The following DSCC1 variants were observed in gnomAD, a reference collection of about 807,000 sequenced individuals.
DSCC1 encodes sister chromatid cohesion protein DCC1.
A neutral mutation model predicts 48.2 loss-of-function variants in DSCC1; 32 were observed. That is an observed-to-expected ratio of 0.66 (90% CI 0.50 to 0.89). DSCC1 has a LOEUF of 0.89. DSCC1 is among the 40% of genes least tolerant of loss of function. DSCC1 has a pLI of 0.00. For missense variants in DSCC1, 421 were observed against 471.7 expected (o/e 0.89, Z 1.00); for synonymous variants, 150 against 171.5 (o/e 0.87, Z 0.98).
Position 119,843,181 on chromosome 8 carries a change from G to A in DSCC1, c.717-353C>T, listed in dbSNP as rs370233104. ...TCAGCTCACTGCAACCTCCACTTCC[G>A]GAGTTCAAGCAATTCTCCTGCCTCG... is the stretch of plus-strand genomic sequence containing the variant. On this transcript the variant is annotated intron_variant, in intron 5 of 8. Coordinates refer to ENST00000313655, the MANE Select transcript of DSCC1 (RefSeq NM_024094.3). 1.5e-4 allele frequency among the ~76,000 whole-genome samples: 22 copies of A among 149,884 alleles called. No homozygotes were observed. In the South Asian group the frequency reaches 3.8e-3, roughly 26 times the overall value.
At position 119,855,842 on chromosome 8, in the gene DSCC1, C is replaced by T. The variant is rs764080460; in HGVS notation, c.-47G>A. On this transcript the variant is annotated 5_prime_UTR_variant, in exon 1 of 9. Transcript: ENST00000313655. Reference sequence around the variant, plus strand: ...CCCGCCGCGCCCGGGTGGCTGCGGGCTTGGCGGGCAAGAAAGAAGTTCCCA... The same window carrying T: ...CCCGCCGCGCCCGGGTGGCTGCGGGTTTGGCGGGCAAGAAAGAAGTTCCCA... 170 of 1,414,428 alleles carry T rather than the reference C, an allele frequency of 1.2e-4. No homozygotes were observed. The African/African-American group carries it at 2.3e-3, about 19-fold the overall frequency. The allele number at this position is 1,414,428 out of a possible 1,614,324, so 87.6% of individuals were successfully genotyped here.
chr8:119,842,091 T>TA, intron 6 of DSCC1, 143 bp from the exon 7 acceptor site: 3 of 949,074 alleles, frequency 3.2e-6, no homozygotes, highest in Non-Finnish European at 4.6e-6. Context: ...CGTTTTTTTT[T>TA]GAGACAGAGT....
chr8:119,843,224 G>A (rs1320974227), intron 5 of DSCC1, among the ~76,000 whole-genome samples: 6 of 151,648 alleles, frequency 4.0e-5, no homozygotes, highest in African/African-American at 1.5e-4. Context: ...TAGCAGCTGG[G>A]ACTACAGGCA....
chr8:119,846,162 G>A (rs1232355536), intron 4 of DSCC1, among the ~76,000 whole-genome samples: 1 of 140,354 alleles, frequency 7.1e-6, no homozygotes. Flanking sequence ...CGCCCAGGCT[G>A]GAGGGCAGTG....
In DSCC1 at chr8:119,843,706, G is replaced by C; in HGVS notation, c.619C>G (p.Leu207Val). Residue 207 changes from leucine (L) to valine (V), a missense_variant, in exon 5 of 9, where the codon CTG becomes GTG. Physicochemically the swap from Leu to Val is conservative, Grantham distance 32 (BLOSUM62 1). Around this residue, in one of 3 missense-constraint regions of DSCC1, gnomAD observed 238 missense variants for 259.0 expected, o/e 0.92. Coordinates refer to ENST00000313655, the MANE Select transcript of DSCC1 (RefSeq NM_024094.3). ...TCCACAAGCTGAGTTACATGATTCA[G>C]AAGTTTCATCTCATAATCAAATTCA... ...ILEFDYEMKL[L>V]NHVTQLVDSE... 3 of 1,613,664 alleles carry C rather than the reference G, an allele frequency of 1.9e-6. No individual in the cohort carries two copies. Among genetic ancestry groups the C allele is most frequent in the Non-Finnish European group, 2.5e-6 (3 of 1,179,910 alleles).
intron 3 of DSCC1, among the ~76,000 whole-genome samples, chr8:119,847,661 CTTTTTCTTT>C (rs1826877319): frequency 4.9e-5 from 7 of 141,606 alleles, no homozygotes; most frequent in Admixed American, 6.9e-5. Context: ...ATTTTTTCTT[CTTTTTCTTT>C]TTTTTTTTTT....
intron 3 of DSCC1, among the ~76,000 whole-genome samples, chr8:119,849,437 G>T (rs546386499): frequency 6.6e-6 from 1 of 152,210 alleles, no homozygotes; most frequent in South Asian, 2.1e-4. Context: ...ACTGATACAT[G>T]CTACAACATA....
intron 8 of DSCC1, among the ~76,000 whole-genome samples, chr8:119,835,666 A>G (rs1196307230): frequency 1.3e-5 from 2 of 152,212 alleles, no homozygotes; most frequent in African/African-American, 4.8e-5. Flanking sequence ...TATTTCTATT[A>G]TATGACACAG....
Position 119,850,470 on chromosome 8 carries a change from G to A in DSCC1, c.398C>T (p.Pro133Leu), listed in dbSNP as rs757135613. 1.3e-6 allele frequency: 2 copies of A among 1,591,688 alleles called. No individual in the cohort carries two copies. Among genetic ancestry groups the A allele is most frequent in the East Asian group, 2.3e-5 (1 of 43,770 alleles). Residue 133 changes from proline to leucine, a missense_variant, in exon 3 of 9, where the codon CCC becomes CTC. Transcript: ENST00000313655. ...AAGTTTCTTTAGCTTCTTTAACTTG[G>A]GTCTACGTCTTCTTAATTCCCAATA... ...NNYWELRRRR[P>L]KLKKLKKLLM...
At chr8:119,835,470 G>C (rs1265845147) in intron 8 of DSCC1, among the ~76,000 whole-genome samples, 1 of 151,772 alleles carries the variant, frequency 6.6e-6, no homozygotes, top group Non-Finnish European at 1.5e-5. Flanking sequence ...TCGCGCCACT[G>C]CACTCCAGCC....
At chr8:119,838,166 A>G in intron 8 of DSCC1, 93 bp downstream of exon 8, 2 of 1,381,370 alleles carry the variant, frequency 1.4e-6, no homozygotes, top group African/African-American at 1.5e-5. Flanking sequence ...GGGAATACTC[A>G]AGAAAATTGT....
intron 6 of DSCC1, 51 bp downstream of exon 6, chr8:119,842,725 A>G (rs774252588): frequency 2.0e-6 from 3 of 1,520,050 alleles, no homozygotes; most frequent in Non-Finnish European, 2.7e-6. Context: ...TTAGAAAGGT[A>G]TGCCAGTTTT....
intron 4 of DSCC1, among the ~76,000 whole-genome samples, chr8:119,844,582 CT>C (rs796462086): frequency 0.012 from 1,743 of 143,830 alleles, 27 homozygotes; most frequent in African/African-American, 0.038. Flanking sequence ...CAAGTGCTTT[CT>C]TTTTTTTTTT....
chr8:119,842,023 G>A, intron 6 of DSCC1, 75 bp from the exon 7 acceptor site: 1 of 1,493,264 alleles, frequency 6.7e-7, no homozygotes, highest in Non-Finnish European at 9.0e-7. Context: ...CCTTTTCTTT[G>A]CTGCAGTTTC....
intron 7 of DSCC1, chr8:119,839,989 C>G (rs961626259): frequency 1.3e-5 from 2 of 152,184 alleles, no homozygotes; most frequent in African/African-American, 4.8e-5. Flanking sequence ...GATCACTCTG[C>G]ATTGTAAGAA....
chr8:119,837,345 T>G lies in DSCC1; in HGVS notation c.1073+914A>C, dbSNP rs553756410. ...GGACAATTCATACACTACACAGGAC[T>G]GCAAAGGAAGTAGGTGTACACATGA... is the stretch of plus-strand genomic sequence containing the variant. On this transcript the variant is annotated intron_variant, in intron 8 of 8. Coordinates refer to ENST00000313655, the MANE Select transcript of DSCC1 (RefSeq NM_024094.3). Among the ~76,000 whole-genome samples the G allele has an allele frequency of 8.9e-4, 135 of 152,198 alleles. 1 individual carries two copies. The highest frequency in any genetic ancestry group is 3.0e-3 in the African/African-American group (126 of 41,546).
At chr8:119,842,880 A>G (rs1209710288) in intron 5 of DSCC1, 52 bp from the exon 6 acceptor site, 2 of 1,471,102 alleles carry the variant, frequency 1.4e-6, no homozygotes, top group Admixed American at 4.0e-5. Context: ...TTTATGCACT[A>G]TATTTTAACC....
chr8:119,845,532 G>C (rs1259004055), intron 4 of DSCC1, among the ~76,000 whole-genome samples: 1 of 152,086 alleles, frequency 6.6e-6, no homozygotes, highest in Non-Finnish European at 1.5e-5. Flanking sequence ...ATGTAAAACT[G>C]AGGAAGAAAG....
Position 119,847,020 on chromosome 8 carries a change from A to G in DSCC1, c.547T>C (p.Leu183=). 3 of 1,613,878 alleles carry G rather than the reference A, an allele frequency of 1.9e-6. No individual in the cohort carries two copies. The highest frequency in any genetic ancestry group is 2.5e-6 in the Non-Finnish European group (3 of 1,180,022). Reference sequence around the variant, plus strand: ...ATCTTACAGGCATTTAGAACTTGTAATTGGGTCATTATTTCTTCCTCACTT... The same window carrying G: ...ATCTTACAGGCATTTAGAACTTGTAGTTGGGTCATTATTTCTTCCTCACTT... ...QASEEEIMTQ[L]QVLNACKIGG... Residue 183 remains leucine (L), a synonymous_variant, in exon 4 of 9, where the codon TTA becomes CTA. Transcript: ENST00000313655.
Sources: gnomAD v4.1 joint callset for allele counts (sites outside exome capture counted in the v4.1 genomes callset) on GRCh38, gnomAD v4.1.1 for gene constraint, gnomAD v4.1.1 regional missense constraint, MANE v1.5 for transcripts, NCBI Gene and HGNC (gene_info 2026-07-23, HGNC 2026-07-21) for gene names.